GRM8: variants seen among roughly 807,000 people sequenced by gnomAD.
The protein encoded by GRM8 is metabotropic glutamate receptor 8.
GRM8 carries 47 observed loss-of-function variants against 87.2 expected under a neutral mutation model. The observed-to-expected ratio is 0.54, with a 90% CI of 0.43 to 0.69. The LOEUF (loss-of-function observed/expected upper bound fraction) is 0.69. Among genes scored for constraint, GRM8 ranks in the 30% least tolerant of loss-of-function variants. The pLI, the probability that GRM8 is intolerant of heterozygous loss-of-function variation, is 0.00. For synonymous variants in GRM8, 396 were observed against 404.5 expected, an observed-to-expected ratio of 0.98 and a Z score of 0.25; for missense variants, 1,019 against 1,139.2, an observed-to-expected ratio of 0.89 and a Z score of 1.52.
chr7:126,739,515 C>T (rs987745470), intron 7 of GRM8, among the ~76,000 whole-genome samples: 1 of 151,964 alleles, frequency 6.6e-6, no homozygotes, highest in African/African-American at 2.4e-5. Flanking sequence ...TTTGATAAGA[C>T]CACGGTGTTA....
At chr7:126,903,689 ATATGTG>A (rs1802362949) in intron 5 of GRM8, among the ~76,000 whole-genome samples, 1 of 143,058 alleles carries the variant, frequency 7.0e-6, no homozygotes, top group Non-Finnish European at 1.5e-5. Context: ...ATATATATGT[ATATGTG>A]TATATATATA....
intron 3 of GRM8, among the ~76,000 whole-genome samples, chr7:127,007,823 G>C (rs1399964122): frequency 2.6e-5 from 4 of 151,950 alleles, no homozygotes; most frequent in African/African-American, 4.8e-5. Context: ...CCCCAATCTA[G>C]AAGTCATTGT....
intron 3 of GRM8, among the ~76,000 whole-genome samples, chr7:127,028,055 TC>T: frequency 6.6e-6 from 1 of 152,342 alleles, no homozygotes; most frequent in Non-Finnish European, 1.5e-5. Context: ...TTGAATTTTG[TC>T]AAAGGACTTT....
At chr7:127,017,562 C>A (rs2132180834) in intron 3 of GRM8, among the ~76,000 whole-genome samples, 1 of 152,196 alleles carries the variant, frequency 6.6e-6, no homozygotes, top group African/African-American at 2.4e-5. Context: ...AAGGTGTCAT[C>A]ATTTTCAAAG....
At chr7:127,019,555 A>G (rs563526691) in intron 3 of GRM8, among the ~76,000 whole-genome samples, 2 of 152,258 alleles carry the variant, frequency 1.3e-5, no homozygotes, top group South Asian at 4.1e-4. Flanking sequence ...TTTCCTAATT[A>G]TACACACTGA....
At chr7:126,904,469 A>C in intron 4 of GRM8, 79 bp downstream of exon 4, 1 of 1,362,428 alleles carries the variant, frequency 7.3e-7, no homozygotes, top group South Asian at 1.3e-5. Context: ...ACAAGCTTTT[A>C]TGTTGAACAT....
chr7:126,538,764 T>A (rs1816167772), intron 8 of GRM8, among the ~76,000 whole-genome samples: 1 of 152,130 alleles, frequency 6.6e-6, no homozygotes, highest in Non-Finnish European at 1.5e-5. Flanking sequence ...AAACCATTAC[T>A]CATTAAATTT....
chr7:126,596,810 C>A (rs149317003), intron 8 of GRM8, among the ~76,000 whole-genome samples: 384 of 152,176 alleles, frequency 2.5e-3, no homozygotes, highest in African/African-American at 8.8e-3. Flanking sequence ...ATGTCAATAT[C>A]CTAGTTGCGA....
At position 126,439,158 on chromosome 7, in the gene GRM8, G is replaced by T; in HGVS notation, c.2688C>A (p.Thr896=). ...TGCTGTAACTGATATATGTTGTCTT[G>T]GTAGAGGAAGCTGTTAAGATAAATG... ...CESLETNTSS[T]KTTYISYSNH... The change falls in exon 11 of 11, where the codon ACC becomes ACA. Residue 896 remains threonine, a synonymous_variant. Transcript: ENST00000339582. 6.4e-7 allele frequency: 1 copy of T among 1,550,944 alleles called. No individual in the cohort carries two copies. Among genetic ancestry groups the T allele is most frequent in the Non-Finnish European group, 8.9e-7 (1 of 1,122,814 alleles).
At chr7:126,960,498 T>C (rs909897198) in intron 3 of GRM8, among the ~76,000 whole-genome samples, 2 of 152,184 alleles carry the variant, frequency 1.3e-5, no homozygotes, top group Non-Finnish European at 2.9e-5. Flanking sequence ...ACTATACTAT[T>C]CTTAGAATGT....
chr7:126,834,722 G>A (rs1486502830), intron 6 of GRM8, among the ~76,000 whole-genome samples: 2 of 152,114 alleles, frequency 1.3e-5, no homozygotes, highest in African/African-American at 4.8e-5. Context: ...AACTTCAACA[G>A]CTTCAAAGTG....
At chr7:126,465,445 T>C (rs914787958) in intron 9 of GRM8, 2 of 151,812 alleles carry the variant, frequency 1.3e-5, no homozygotes, top group African/African-American at 4.8e-5. Flanking sequence ...CTTTATAAAA[T>C]TGAATCTTCT....
chr7:126,796,511 G>C (rs1347285915), intron 6 of GRM8, among the ~76,000 whole-genome samples: 1 of 152,070 alleles, frequency 6.6e-6, no homozygotes, highest in African/African-American at 2.4e-5. Flanking sequence ...ATGACCATTT[G>C]TCATGGCTCC....
chr7:126,443,299 A>C (rs985988474), intron 10 of GRM8, among the ~76,000 whole-genome samples: 1 of 152,042 alleles, frequency 6.6e-6, no homozygotes, highest in Non-Finnish European at 1.5e-5. Context: ...TTAAAAATGT[A>C]AACTATAGTC....
At chr7:126,958,897 T>C (rs1162474344) in intron 3 of GRM8, among the ~76,000 whole-genome samples, 1 of 152,236 alleles carries the variant, frequency 6.6e-6, no homozygotes, top group Non-Finnish European at 1.5e-5. Flanking sequence ...ATTTCATATA[T>C]AAGTACATTC....
At position 127,252,922 on chromosome 7, in the gene GRM8, T is replaced by G; in HGVS notation, c.-437A>C. 1 of 191,592 alleles carries G rather than the reference T, an allele frequency of 5.2e-6. No individual in the cohort carries two copies. 11.9% of individuals were successfully genotyped at this position (191,592 alleles called of 1,614,324 possible). A position where few individuals can be genotyped will look rare whatever the true frequency, so the allele number is the denominator to read the frequency against. On this transcript the variant is annotated 5_prime_UTR_variant, in exon 1 of 11. Transcript: ENST00000339582. This position sits in a 1 kb window ranked among gnomAD's most constrained non-coding sequence, Gnocchi z 4.9. Reference sequence around the variant, plus strand: ...AGCGGCCGCACTTGTGGCTGATCTCTGGGCTGAGGGGGCTGAGCTGGCCTA... The same window carrying G: ...AGCGGCCGCACTTGTGGCTGATCTCGGGGCTGAGGGGGCTGAGCTGGCCTA...
At chr7:126,525,930 G>A (rs77900852) in intron 9 of GRM8, among the ~76,000 whole-genome samples, 3,536 of 151,948 alleles carry the variant, frequency 0.023, 132 homozygotes, top group African/African-American at 0.08. Flanking sequence ...AATCTGTTTC[G>A]AATTTATTTT....
intron 2 of GRM8, among the ~76,000 whole-genome samples, chr7:127,149,839 A>G (rs1828755256): frequency 6.6e-6 from 1 of 152,044 alleles, no homozygotes; most frequent in South Asian, 2.1e-4. Flanking sequence ...TGTGGAATCT[A>G]AAAAATCAGA....
chr7:126,672,157 A>G (rs1284759828), intron 7 of GRM8, among the ~76,000 whole-genome samples: 1 of 152,212 alleles, frequency 6.6e-6, no homozygotes, highest in African/African-American at 2.4e-5. Flanking sequence ...CTCCAAGGCT[A>G]CTGACAGTAG....
Sources: gnomAD v4.1 joint callset for allele counts (sites outside exome capture counted in the v4.1 genomes callset) on GRCh38, gnomAD v4.1.1 for gene constraint, Gnocchi (gnomAD v3.1) non-coding constraint, MANE v1.5 for transcripts, NCBI Gene and HGNC (gene_info 2026-07-23, HGNC 2026-07-21) for gene names.